NEDD4L: variants seen among roughly 807,000 people sequenced by gnomAD.
NEDD4L encodes the protein NEDD4 like E3 ubiquitin protein ligase.
In NEDD4L, 54 loss-of-function variants were observed where a neutral mutation model predicts 148.9. The observed-to-expected ratio is 0.36, with a 90% CI of 0.29 to 0.45. The LOEUF (loss-of-function observed/expected upper bound fraction) is 0.45. Among genes scored for constraint, NEDD4L ranks in the 20% least tolerant of loss-of-function variants. The pLI is 1.00. For missense variants in NEDD4L, 856 were observed against 1,233.8 expected (o/e 0.69, Z 4.59); for synonymous variants, 433 against 440.7 (o/e 0.98, Z 0.22).
At chr18:58,374,391 G>A (rs541610983) in intron 24 of NEDD4L, among the ~76,000 whole-genome samples, 1 of 152,232 alleles carries the variant, frequency 6.6e-6, no homozygotes, top group African/African-American at 2.4e-5. Flanking sequence ...AGAGGCAAGA[G>A]ACCTTGTGGC....
At position 58,256,778 on chromosome 18, in the gene NEDD4L, A is replaced by G; in HGVS notation, c.297+4724A>G. On this transcript the variant is annotated intron_variant, in intron 5 of 30. Coordinates refer to ENST00000400345, the MANE Select transcript of NEDD4L (RefSeq NM_001144967.3). This position sits in a 1 kb window ranked among gnomAD's most constrained non-coding sequence, Gnocchi z 5.2. ...TTCCACGGGAGCTGACACCACGGTA[A>G]GTTCACAGCGTGTTTACATGTGTTT... 10 of 1,231,886 alleles carry G rather than the reference A, an allele frequency of 8.1e-6. No individual in the cohort carries two copies. Among genetic ancestry groups the G allele is most frequent in the Non-Finnish European group, 1.0e-5 (10 of 987,954 alleles). The allele number at this position is 1,231,886 out of a possible 1,614,324, so 76.3% of individuals were successfully genotyped here.
At chr18:58,071,663 C>T (rs902727868) in intron 1 of NEDD4L, among the ~76,000 whole-genome samples, 2 of 152,082 alleles carry the variant, frequency 1.3e-5, no homozygotes, top group African/African-American at 2.4e-5. Flanking sequence ...GTTCTCATGC[C>T]GCTAATAAAG....
intron 2 of NEDD4L, among the ~76,000 whole-genome samples, chr18:58,174,550 C>A (rs912435960): frequency 2.6e-5 from 4 of 152,188 alleles, no homozygotes; most frequent in Non-Finnish European, 5.9e-5. Context: ...TTACCACATT[C>A]CATCGTGTCC....
At chr18:58,060,597 C>CA (rs1464250090) in intron 1 of NEDD4L, among the ~76,000 whole-genome samples, 1 of 151,456 alleles carries the variant, frequency 6.6e-6, no homozygotes, top group East Asian at 1.9e-4. Context: ...TGATTAGGTA[C>CA]AAAAAAAGGG....
Position 58,161,233 on chromosome 18 carries a change from GTTGGTCAGGCTGGTCTTGAACT to G in NEDD4L, c.49-4554_49-4533del, listed in dbSNP as rs1359667499. Among the ~76,000 whole-genome samples the G allele has an allele frequency of 2.6e-5, 4 of 152,186 alleles. No homozygotes were observed. In the East Asian group the frequency reaches 5.8e-4, roughly 22 times the overall value. On this transcript the variant is annotated intron_variant, in intron 1 of 30. Coordinates refer to ENST00000400345, the MANE Select transcript of NEDD4L (RefSeq NM_001144967.3). The stretch of plus-strand genomic sequence containing the variant: ...TTAGTAGAGACAGGGTTTTCACCAT[GTTGGTCAGGCTGGTCTTGAACT>G]CCTGACCTCAAGTGATCCACCCATC...
chr18:58,240,897 C>G (rs1254329419), intron 2 of NEDD4L, among the ~76,000 whole-genome samples: 1 of 152,128 alleles, frequency 6.6e-6, no homozygotes, highest in Admixed American at 6.5e-5. Flanking sequence ...GCAACCTCCC[C>G]CTCCTGGATT....
At chr18:58,173,454 G>A (rs2037743372) in intron 2 of NEDD4L, among the ~76,000 whole-genome samples, 2 of 152,202 alleles carry the variant, frequency 1.3e-5, no homozygotes, top group Non-Finnish European at 2.9e-5. Context: ...GAGAGCTGGT[G>A]ACTTGCAATT....
At chr18:58,361,065 T>G (rs2145927550) in intron 19 of NEDD4L, among the ~76,000 whole-genome samples, 1 of 152,320 alleles carries the variant, frequency 6.6e-6, no homozygotes, top group East Asian at 1.9e-4. Flanking sequence ...TTTCCAGATG[T>G]TAGGTTTTAA....
intron 16 of NEDD4L, among the ~76,000 whole-genome samples, chr18:58,348,911 A>G (rs994957158): frequency 6.6e-6 from 1 of 152,220 alleles, no homozygotes; most frequent in African/African-American, 2.4e-5. Flanking sequence ...AAATATTAAG[A>G]CATAAATGAG....
intron 3 of NEDD4L, chr18:58,247,261 G>A (rs158855): frequency 0.99 from 151,248 of 152,322 alleles, 75,103 homozygotes; most frequent in Middle Eastern, 1. Context: ...GTAAGGAACC[G>A]TAACTGCAGC....
chr18:58,235,947 C>T (rs1210279601), intron 2 of NEDD4L, among the ~76,000 whole-genome samples: 5 of 152,026 alleles, frequency 3.3e-5, no homozygotes, highest in African/African-American at 7.3e-5. Context: ...GCAGGAGAAT[C>T]GCTTGAACCT....
At chr18:58,374,984 T>C (rs549764730) in intron 24 of NEDD4L, among the ~76,000 whole-genome samples, 2 of 152,132 alleles carry the variant, frequency 1.3e-5, no homozygotes, top group Admixed American at 1.3e-4. Context: ...CTCAACTGCT[T>C]CTCCTGAGAG....
chr18:58,329,350 A>G (rs191724707), intron 10 of NEDD4L, among the ~76,000 whole-genome samples: 1 of 152,192 alleles, frequency 6.6e-6, no homozygotes, highest in African/African-American at 2.4e-5. Context: ...TGGGAATAAC[A>G]TTATTTTTAT....
chr18:58,181,080 G>C (rs1027984722), intron 2 of NEDD4L, among the ~76,000 whole-genome samples: 1 of 152,210 alleles, frequency 6.6e-6, no homozygotes, highest in Non-Finnish European at 1.5e-5. Context: ...AGCCATTCTC[G>C]AATAGTGACA....
chr18:58,061,527 G>A (rs1178152197), intron 1 of NEDD4L, among the ~76,000 whole-genome samples: 2 of 151,934 alleles, frequency 1.3e-5, no homozygotes, highest in Non-Finnish European at 1.5e-5. Flanking sequence ...ACTAGAGGAG[G>A]CAGGAAGGAA....
chr18:58,306,243 A>G (rs1460742581), intron 5 of NEDD4L, among the ~76,000 whole-genome samples: 1 of 151,438 alleles, frequency 6.6e-6, no homozygotes. Context: ...AGAGCTGTGC[A>G]TGCTCCAGTT....
At chr18:58,296,115 C>T (rs2055534725) in intron 5 of NEDD4L, among the ~76,000 whole-genome samples, 1 of 152,180 alleles carries the variant, frequency 6.6e-6, no homozygotes, top group Non-Finnish European at 1.5e-5. Context: ...ACAGTCTCCT[C>T]ATCTCTCTTG....
chr18:58,386,938 G>C (rs189838736), intron 26 of NEDD4L, among the ~76,000 whole-genome samples: 1 of 152,172 alleles, frequency 6.6e-6, no homozygotes, highest in East Asian at 1.9e-4. Flanking sequence ...TTCGCAGCGC[G>C]CAGGGCCCAG....
At chr18:58,125,586 C>T (rs1321043091) in intron 1 of NEDD4L, among the ~76,000 whole-genome samples, 4 of 152,122 alleles carry the variant, frequency 2.6e-5, no homozygotes, top group Non-Finnish European at 5.9e-5. Context: ...TATATGATCT[C>T]GAGTCACCAC....
Sources: gnomAD v4.1 joint callset for allele counts (sites outside exome capture counted in the v4.1 genomes callset) on GRCh38, gnomAD v4.1.1 for gene constraint, Gnocchi (gnomAD v3.1) non-coding constraint, MANE v1.5 for transcripts, NCBI Gene and HGNC (gene_info 2026-07-23, HGNC 2026-07-21) for gene names.